Variants in SCMH1 observed in about 807,000 individuals in gnomAD.
The protein encoded by SCMH1 is polycomb protein SCMH1.
A neutral mutation model predicts 70.8 loss-of-function variants in SCMH1; 37 were observed. The ratio of observed to expected loss-of-function variants is 0.52; its 90% CI spans 0.40 to 0.69. The LOEUF (loss-of-function observed/expected upper bound fraction) is 0.69. SCMH1 is among the 30% of genes least tolerant of loss of function. The probability of loss-of-function intolerance (pLI) is 0.00; values close to 1 mark genes in which losing one functional copy is unlikely to be tolerated. For missense variants in SCMH1, 607 were observed against 827.3 expected, an observed-to-expected ratio of 0.73 and a Z score of 3.27; for synonymous variants, 292 against 307.4, an observed-to-expected ratio of 0.95 and a Z score of 0.52.
intron 2 of SCMH1, among the ~76,000 whole-genome samples, chr1:41,181,094 G>C (rs946605520): frequency 6.6e-6 from 1 of 152,132 alleles, no homozygotes; most frequent in South Asian, 2.1e-4. Context: ...ATAAGAAATG[G>C]GGAAACGATT....
At chr1:41,028,263 C>T (rs776134394) in exon 15 of SCMH1, 1 of 1,613,486 alleles carries the variant, frequency 6.2e-7, no homozygotes, top group Non-Finnish European at 8.5e-7. Context: ...GCTTCAGGCC[C>T]ATGTACTTCA....
chr1:41,046,422 CGTGGCT>C lies in SCMH1; in HGVS notation c.1477_1482del (p.Ser493_His494del), dbSNP rs777600276. On this transcript the variant is annotated inframe_deletion, in exon 12 of 15. Transcript: ENST00000337495. ...CAGCTCCTACCTGGTAGGTACCTGT[CGTGGCT>C]GTGGCTGTACTCTATGGCAGTGAGT... The C allele has an allele frequency of 2.5e-6, 4 of 1,613,928 alleles. No individual in the cohort carries two copies. In the African/African-American group the frequency reaches 4.0e-5, roughly 16 times the overall value.
rs1278796825 is a variant in SCMH1, at chr1:41,113,142, G to A, written c.745+141C>T. ...TTCTAATTGCTCCCTGGTAGACCTG[G>A]GTTTTTACCTAAGCTGCTGGCCCTT... On this transcript the variant is annotated intron_variant, in intron 8 of 14. Transcript: ENST00000337495. The surrounding 1 kb of genome is among the most constrained non-coding windows in gnomAD (Gnocchi z 4.3). The A allele has an allele frequency of 9.7e-7, 1 of 1,030,628 alleles. No homozygotes were observed. The highest frequency in any genetic ancestry group is 2.5e-5 in the East Asian group (1 of 39,806). 63.8% of individuals were successfully genotyped at this position (1,030,628 alleles called of 1,614,324 possible). A position where few individuals can be genotyped will look rare whatever the true frequency, so the allele number is the denominator to read the frequency against.
intron 1 of SCMH1, among the ~76,000 whole-genome samples, chr1:41,237,908 T>TAAGCCC (rs1662718822): frequency 6.6e-6 from 1 of 152,224 alleles, no homozygotes; most frequent in South Asian, 2.1e-4. Flanking sequence ...TAGCAGAGCA[T>TAAGCCC]AAGCCCCTTA....
At chr1:41,178,508 C>A (rs1647680032) in intron 2 of SCMH1, among the ~76,000 whole-genome samples, 1 of 152,116 alleles carries the variant, frequency 6.6e-6, no homozygotes, top group South Asian at 2.1e-4. Context: ...TGCAGAGACA[C>A]ACATAGGCTC....
intron 2 of SCMH1, among the ~76,000 whole-genome samples, chr1:41,181,992 A>G (rs12036051): frequency 0.11 from 16,320 of 152,284 alleles, 1,244 homozygotes; most frequent in East Asian, 0.27. Flanking sequence ...AATGTGGCAC[A>G]TATACACCAT....
At chr1:41,050,272 A>G (rs545410772) in intron 10 of SCMH1, among the ~76,000 whole-genome samples, 92 of 152,228 alleles carry the variant, frequency 6.0e-4, no homozygotes, top group African/African-American at 2.1e-3. Context: ...CCAGCTTCCC[A>G]TTTGAGTAGC....
chr1:41,159,725 C>T, intron 4 of SCMH1: 1 of 1,531,938 alleles, frequency 6.5e-7, no homozygotes, highest in Non-Finnish European at 8.8e-7. Flanking sequence ...GCACCTTTAC[C>T]TGCATTATTT....
chr1:41,043,412 G>A (rs900741278), intron 12 of SCMH1: 1 of 148,742 alleles, frequency 6.7e-6, no homozygotes, highest in South Asian at 2.1e-4. Context: ...TTTTATTAAT[G>A]TTAAATTTCA....
In SCMH1 at chr1:41,183,037, T is replaced by A. The variant is rs1019897686; in HGVS notation, c.13+3084A>T. Among the ~76,000 whole-genome samples the A allele has an allele frequency of 2.0e-4, 30 of 152,322 alleles. 1 individual carries two copies. Among genetic ancestry groups the A allele is most frequent in the African/African-American group, 6.7e-4 (28 of 41,578 alleles). On this transcript the variant is annotated intron_variant, in intron 2 of 14. Transcript: ENST00000337495. ...TTCAGAGTATATTATAATACATAGG[T>A]ACTATTTAATAATCAGTTTATATCT... is the stretch of plus-strand genomic sequence containing the variant.
At position 41,113,617 on chromosome 1, in the gene SCMH1, A is replaced by C; in HGVS notation, c.502-91T>G. On this transcript the variant is annotated intron_variant, in intron 7 of 14. Coordinates refer to ENST00000337495, the Ensembl canonical transcript of SCMH1. The surrounding 1 kb of genome is among the most constrained non-coding windows in gnomAD (Gnocchi z 4.3). ...ATCTAATTTGGATGATTAAAAAGTG[A>C]CTGCTACATGAGACTTATAATGGAT... 7.1e-7 allele frequency: 1 copy of C among 1,407,758 alleles called. No homozygotes were observed. Among genetic ancestry groups the C allele is most frequent in the Non-Finnish European group, 9.6e-7 (1 of 1,045,074 alleles). The allele number at this position is 1,407,758 out of a possible 1,614,324, so 87.2% of individuals were successfully genotyped here.
intron 2 of SCMH1, among the ~76,000 whole-genome samples, chr1:41,169,084 C>T (rs576469981): frequency 1.3e-5 from 2 of 152,278 alleles, no homozygotes; most frequent in South Asian, 2.1e-4. Flanking sequence ...AGGAGAAGCT[C>T]GTAGAAGTGG....
chr1:41,095,244 G>C (rs1664766241), intron 8 of SCMH1, among the ~76,000 whole-genome samples: 2 of 152,128 alleles, frequency 1.3e-5, no homozygotes, highest in South Asian at 4.1e-4. Context: ...CTAGAATTCT[G>C]CTTCACTTTG....
chr1:41,084,613 C>T (rs557211546), intron 8 of SCMH1, among the ~76,000 whole-genome samples: 1 of 152,000 alleles, frequency 6.6e-6, no homozygotes, highest in East Asian at 1.9e-4. Flanking sequence ...TTGACCCAGC[C>T]ATCCCATTAC....
chr1:41,180,233 C>T (rs1648336269), intron 2 of SCMH1, among the ~76,000 whole-genome samples: 1 of 152,132 alleles, frequency 6.6e-6, no homozygotes, highest in African/African-American at 2.4e-5. Context: ...TAAGAGCTAT[C>T]TATGACAAAC....
At position 41,102,093 on chromosome 1, in the gene SCMH1, G is replaced by A. The variant is rs143898025; in HGVS notation, c.745+11190C>T. ...AAAAGAATTTATCATCAGATTTCTCGTCTCTATAGCAACAACAGAGCATAG... is the reference window on the plus strand; with the variant it reads ...AAAAGAATTTATCATCAGATTTCTCATCTCTATAGCAACAACAGAGCATAG... On this transcript the variant is annotated intron_variant, in intron 8 of 14. Coordinates refer to ENST00000337495, the Ensembl canonical transcript of SCMH1. 9.8e-3 allele frequency among the ~76,000 whole-genome samples: 1,490 copies of A among 152,192 alleles called. 11 individuals carry two copies. Among genetic ancestry groups the A allele is most frequent in the Non-Finnish European group, 0.015 (992 of 68,012 alleles).
chr1:41,106,808 GC>G (rs1668048174), intron 8 of SCMH1, among the ~76,000 whole-genome samples: 1 of 151,762 alleles, frequency 6.6e-6, no homozygotes. Flanking sequence ...TCCTGCCTCA[GC>G]CTCCCGAGTA....
intron 2 of SCMH1, among the ~76,000 whole-genome samples, chr1:41,176,998 C>T (rs1017141955): frequency 6.6e-6 from 1 of 152,214 alleles, no homozygotes; most frequent in Admixed American, 6.5e-5. Flanking sequence ...AGGCACCCCC[C>T]AGTAGGGGCA....
At chr1:41,062,751 A>G (rs890902510) in intron 10 of SCMH1, among the ~76,000 whole-genome samples, 10 of 150,684 alleles carry the variant, frequency 6.6e-5, no homozygotes, top group African/African-American at 9.7e-5. Flanking sequence ...AAAAAAAAAA[A>G]AAAAAGAAAA....
Sources: gnomAD v4.1 joint callset for allele counts (sites outside exome capture counted in the v4.1 genomes callset) on GRCh38, gnomAD v4.1.1 for gene constraint, Gnocchi (gnomAD v3.1) non-coding constraint, MANE v1.5 for transcripts, NCBI Gene and HGNC (gene_info 2026-07-23, HGNC 2026-07-21) for gene names.